Variants in PRKAG2 observed in about 807,000 individuals in gnomAD.
PRKAG2 encodes protein kinase AMP-activated non-catalytic subunit gamma 2, also known as 5'-AMP-activated protein kinase subunit gamma-2.
PRKAG2 carries 26 observed loss-of-function variants against 69.6 expected under a neutral mutation model. The observed-to-expected ratio is 0.37, with a 90% CI of 0.27 to 0.52. The LOEUF is 0.52. PRKAG2 is among the 20% of genes least tolerant of loss of function. The pLI is 0.90. For synonymous variants in PRKAG2, 293 were observed against 285.0 expected (o/e 1.03, Z -0.28); for missense variants, 557 against 740.0 (o/e 0.75, Z 2.87).
intron 1 of PRKAG2, among the ~76,000 whole-genome samples, chr7:151,801,493 A>G (rs4128398): frequency 0.72 from 109,367 of 152,044 alleles, 39,474 homozygotes; most frequent in Non-Finnish European, 0.74. Context: ...GGCACCAGGC[A>G]GCCTCAGAAT....
chr7:151,635,941 C>T (rs1157267558), intron 4 of PRKAG2, among the ~76,000 whole-genome samples: 1 of 150,794 alleles, frequency 6.6e-6, no homozygotes, highest in Non-Finnish European at 1.5e-5. Context: ...CATCTCAGCT[C>T]ACTGCCAGCT....
At chr7:151,694,961 T>C (rs1475272789) in intron 3 of PRKAG2, among the ~76,000 whole-genome samples, 1 of 152,242 alleles carries the variant, frequency 6.6e-6, no homozygotes, top group East Asian at 1.9e-4. Flanking sequence ...TGCCTGTCCC[T>C]TCCTTCTGGG....
intron 1 of PRKAG2, among the ~76,000 whole-genome samples, chr7:151,817,484 A>G (rs1022536389): frequency 2.0e-5 from 3 of 152,112 alleles, no homozygotes; most frequent in African/African-American, 7.2e-5. Context: ...TGCCAGGCCC[A>G]CAGGAGCCTG....
chr7:151,806,849 C>A (rs1449160072), intron 1 of PRKAG2: 2 of 393,284 alleles, frequency 5.1e-6, no homozygotes, highest in African/African-American at 4.2e-5. Flanking sequence ...TGCTGTAGTC[C>A]CAGCTACTCA....
chr7:151,830,788 G>A (rs1163295171), intron 1 of PRKAG2, among the ~76,000 whole-genome samples: 2 of 19,186 alleles, frequency 1.0e-4, no homozygotes, highest in Admixed American at 1.2e-3. Context: ...GGGGCGGGGC[G>A]GGGGGGGGTT....
At chr7:151,845,386 C>T (rs902803829) in intron 1 of PRKAG2, among the ~76,000 whole-genome samples, 8 of 152,264 alleles carry the variant, frequency 5.3e-5, no homozygotes, top group East Asian at 1.9e-4. Flanking sequence ...GGACCAGCAG[C>T]GTCCTTGTCA....
intron 1 of PRKAG2, among the ~76,000 whole-genome samples, chr7:151,812,433 G>A (rs1441639643): frequency 6.6e-6 from 1 of 152,152 alleles, no homozygotes; most frequent in Non-Finnish European, 1.5e-5. Context: ...AATCCAAGAT[G>A]GATTCCATTA....
chr7:151,672,140 C>G (rs903516801), intron 4 of PRKAG2, among the ~76,000 whole-genome samples: 2 of 149,248 alleles, frequency 1.3e-5, no homozygotes, highest in Non-Finnish European at 3.0e-5. Context: ...CTCGCTCTGT[C>G]GCCCAGGCTG....
intron 8 of PRKAG2, 111 bp from the exon 9 acceptor site, chr7:151,572,820 G>C (rs922776459): frequency 1.4e-6 from 1 of 717,816 alleles, no homozygotes; most frequent in African/African-American, 1.8e-5. Flanking sequence ...TTCGCAATTA[G>C]AAAATGAGGC....
At chr7:151,636,121 G>A (rs1228169966) in intron 4 of PRKAG2, among the ~76,000 whole-genome samples, 1 of 152,026 alleles carries the variant, frequency 6.6e-6, no homozygotes, top group Non-Finnish European at 1.5e-5. Flanking sequence ...AAAGTGCTGG[G>A]ATTACAGGCA....
At chr7:151,582,760 G>T (rs970163575) in intron 6 of PRKAG2, among the ~76,000 whole-genome samples, 15 of 152,172 alleles carry the variant, frequency 9.9e-5, no homozygotes, top group African/African-American at 3.6e-4. Context: ...TTTTCTGATG[G>T]CCTCAAGCAC....
intron 1 of PRKAG2, among the ~76,000 whole-genome samples, chr7:151,789,730 C>A (rs2077182417): frequency 6.6e-6 from 1 of 152,200 alleles, no homozygotes; most frequent in Admixed American, 6.5e-5. Flanking sequence ...ACCTGGGGAG[C>A]ATGGGTAGAG....
At chr7:151,640,438 TC>T (rs1189593444) in intron 4 of PRKAG2, among the ~76,000 whole-genome samples, 2 of 152,148 alleles carry the variant, frequency 1.3e-5, no homozygotes, top group Admixed American at 1.3e-4. Context: ...TTATTCACCT[TC>T]TCTTGCCATG....
chr7:151,767,218 C>G (rs532255164), intron 3 of PRKAG2, among the ~76,000 whole-genome samples: 1 of 152,242 alleles, frequency 6.6e-6, no homozygotes, highest in Admixed American at 6.5e-5. Context: ...GACCCCCTCA[C>G]AGCCTCAGAA....
At chr7:151,591,486 C>T (rs1585090233) in intron 6 of PRKAG2, among the ~76,000 whole-genome samples, 2 of 152,288 alleles carry the variant, frequency 1.3e-5, no homozygotes, top group South Asian at 4.1e-4. Flanking sequence ...GGACAGACCC[C>T]GCAGAACCGG....
chr7:151,871,623 T>C (rs975375788), intron 1 of PRKAG2, among the ~76,000 whole-genome samples: 5 of 152,202 alleles, frequency 3.3e-5, no homozygotes, highest in Admixed American at 6.5e-5. Flanking sequence ...CCGAATTCAA[T>C]TGATAAATTA....
At chr7:151,818,969 G>A (rs2078709159) in intron 1 of PRKAG2, among the ~76,000 whole-genome samples, 1 of 152,258 alleles carries the variant, frequency 6.6e-6, no homozygotes, top group Non-Finnish European at 1.5e-5. Context: ...GGGAACCAAT[G>A]TGCCAAAGAG....
rs150724421 is a variant in PRKAG2 at position 151,613,383 on chromosome 7, T to C, written c.755-17929A>G. Among the ~76,000 whole-genome samples, 709 of 152,314 alleles carry C rather than the reference T, an allele frequency of 4.7e-3. 5 individuals are homozygous for C. The highest frequency in any genetic ancestry group is 0.016 in the African/African-American group (679 of 41,568). On this transcript the variant is annotated intron_variant, in intron 5 of 15. Transcript: ENST00000287878. ...CTCAAGGGAAAAGCTCATCAGAGCATTTCAGATTTTGGATTTTTGAATTAG... is the reference window on the plus strand; with the variant it reads ...CTCAAGGGAAAAGCTCATCAGAGCACTTCAGATTTTGGATTTTTGAATTAG...
At chr7:151,702,548 G>A (rs1286506539) in intron 3 of PRKAG2, among the ~76,000 whole-genome samples, 1 of 152,174 alleles carries the variant, frequency 6.6e-6, no homozygotes, top group Non-Finnish European at 1.5e-5. Context: ...CATCTGCCAG[G>A]AAGCCCATCA....
Sources: allele counts gnomAD v4.1 joint callset (sites outside exome capture counted in the v4.1 genomes callset), GRCh38; gene constraint gnomAD v4.1.1; transcripts MANE v1.5; gene names NCBI Gene and HGNC (gene_info 2026-07-23, HGNC 2026-07-21).